The following MAPK6 variants were observed in gnomAD, a reference collection of about 807,000 sequenced individuals.
The protein encoded by MAPK6 is ERK-3.
Under a neutral mutation model 59.3 loss-of-function variants are expected in MAPK6, and 19 were observed. The ratio of observed to expected loss-of-function variants is 0.32; its 90% CI spans 0.22 to 0.47. The LOEUF (loss-of-function observed/expected upper bound fraction) is 0.47. MAPK6 is among the 20% of genes least tolerant of loss of function. The pLI is 1.00. For missense variants in MAPK6, 724 were observed against 847.9 expected (o/e 0.85, Z 1.81); for synonymous variants, 316 against 290.3 (o/e 1.09, Z -0.90).
intron 2 of MAPK6, 121 bp from the exon 3 acceptor site, chr15:52,049,872 C>G (rs973215398): frequency 9.8e-6 from 9 of 916,918 alleles, no homozygotes; most frequent in Non-Finnish European, 1.5e-5. Flanking sequence ...CTTGGTTTCC[C>G]AAAATGCTGG....
chr15:52,058,049 T>C (rs1004764095), intron 3 of MAPK6, among the ~76,000 whole-genome samples: 5 of 152,208 alleles, frequency 3.3e-5, no homozygotes, highest in Non-Finnish European at 5.9e-5. Flanking sequence ...TTTTATTTTT[T>C]GTTTTTGAGA....
intron 1 of MAPK6, among the ~76,000 whole-genome samples, chr15:52,026,970 A>G (rs1009188271): frequency 1.3e-5 from 2 of 151,816 alleles, no homozygotes; most frequent in Non-Finnish European, 2.9e-5. Flanking sequence ...GAATCGCTTG[A>G]ACCCAGGAGG....
chr15:52,030,289 G>A (rs964428414), intron 1 of MAPK6, among the ~76,000 whole-genome samples: 2 of 152,182 alleles, frequency 1.3e-5, no homozygotes, highest in African/African-American at 4.8e-5. Context: ...TTACTAGAAT[G>A]CGAGCTCTTC....
intron 1 of MAPK6, among the ~76,000 whole-genome samples, chr15:52,023,372 C>G (rs2030621658): frequency 1.3e-5 from 2 of 152,204 alleles, no homozygotes; most frequent in African/African-American, 4.8e-5. Flanking sequence ...CATTACACTA[C>G]AACCTGCCAG....
chr15:52,016,049 C>T (rs1394361708), upstream of MAPK6, among the ~76,000 whole-genome samples: 2 of 112,672 alleles, frequency 1.8e-5, no homozygotes, highest in Non-Finnish European at 3.6e-5. Flanking sequence ...GAGCCAAACT[C>T]CATCGCGCGC....
rs1217761628 is a variant in MAPK6 at position 52,046,490 on chromosome 15, C to T, written c.30C>T (p.Asn10=). The change falls in exon 2 of 6, where the codon AAC becomes AAT. Residue 10 remains asparagine, a synonymous_variant. Transcript: ENST00000261845. MAEKFESLM[N]IHGFDLGSRY... ...CAGAGAAATTTGAAAGTCTCATGAACATTCATGGTTTTGATCTGGGTTCTA... is the reference window on the plus strand; with the variant it reads ...CAGAGAAATTTGAAAGTCTCATGAATATTCATGGTTTTGATCTGGGTTCTA... The T allele has an allele frequency of 3.1e-6, 5 of 1,608,114 alleles. No homozygotes were observed. The highest frequency in any genetic ancestry group is 3.4e-6 in the Non-Finnish European group (4 of 1,178,046).
At position 52,054,749 on chromosome 15, in the gene MAPK6, C is replaced by CACATACACATACAT. The variant is rs764393160; in HGVS notation, c.701-3883_701-3882insCATACACATACATA. On this transcript the variant is annotated intron_variant, in intron 3 of 5. Coordinates refer to ENST00000261845, the MANE Select transcript of MAPK6 (RefSeq NM_002748.4). The stretch of plus-strand genomic sequence containing the variant: ...ATCTATACACACACACACACACACA[C>CACATACACATACAT]ATATACACATACATAGATACACACA... 3.2e-4 allele frequency among the ~76,000 whole-genome samples: 48 copies of CACATACACATACAT among 150,052 alleles called. 1 individual carries two copies. Among genetic ancestry groups the CACATACACATACAT allele is most frequent in the South Asian group, 1.9e-3 (9 of 4,692 alleles).
At chr15:51,976,147 TC>T (rs1392766943) in intron 1 of MAPK6, among the ~76,000 whole-genome samples, 1 of 150,478 alleles carries the variant, frequency 6.6e-6, no homozygotes, top group Non-Finnish European at 1.5e-5. Context: ...ATGCCTGTAG[TC>T]CCAGCTACTC....
chr15:52,043,742 A>ATTTTTTTTTTTTTT lies in MAPK6; in HGVS notation c.-631-2067_-631-2054dup, dbSNP rs71130125. 2.7e-4 allele frequency among the ~76,000 whole-genome samples: 11 copies of ATTTTTTTTTTTTTT among 40,656 alleles called. 2 individuals carry two copies. Among genetic ancestry groups the ATTTTTTTTTTTTTT allele is most frequent in the African/African-American group, 3.6e-4 (4 of 11,086 alleles). The allele number at this position is 40,656 out of a possible 152,430, so 26.7% of individuals were successfully genotyped here. A position where few individuals can be genotyped will look rare whatever the true frequency, so the allele number is the denominator to read the frequency against. On this transcript the variant is annotated intron_variant, in intron 1 of 5. Coordinates refer to ENST00000261845, the MANE Select transcript of MAPK6 (RefSeq NM_002748.4). ...TGATATGTTGGACTTAAGTTGTTTG[A>ATTTTTTTTTTTTTT]TTTTTTTTTTTTTTTTTTTTTTTTT...
At chr15:52,029,090 T>C (rs1230181153) in intron 1 of MAPK6, among the ~76,000 whole-genome samples, 2 of 152,220 alleles carry the variant, frequency 1.3e-5, no homozygotes, top group African/African-American at 4.8e-5. Flanking sequence ...CAGGTTGGAG[T>C]GCAGTGGCGC....
At chr15:52,013,728 G>T (rs1044144972) in intron 3 of MAPK6, among the ~76,000 whole-genome samples, 1 of 152,110 alleles carries the variant, frequency 6.6e-6, no homozygotes, top group African/African-American at 2.4e-5. Flanking sequence ...TACACAGGAA[G>T]GGGAGGCTCC....
At chr15:51,989,210 G>T (rs1176396364) in intron 2 of MAPK6, among the ~76,000 whole-genome samples, 1 of 151,624 alleles carries the variant, frequency 6.6e-6, no homozygotes, top group Non-Finnish European at 1.5e-5. Context: ...CTCCCAAGTA[G>T]CTGGGATTAT....
chr15:52,022,436 AT>A (rs1241775098), intron 1 of MAPK6, among the ~76,000 whole-genome samples: 1 of 151,804 alleles, frequency 6.6e-6, no homozygotes, highest in African/African-American at 2.4e-5. Flanking sequence ...AGTTTTTCGT[AT>A]TTTTTGTAGA....
chr15:52,000,536 A>G (rs879344874), intron 2 of MAPK6, among the ~76,000 whole-genome samples: 14 of 152,150 alleles, frequency 9.2e-5, no homozygotes, highest in Admixed American at 7.2e-4. Context: ...AGCTGGGCAC[A>G]GTGGTTCACG....
intron 4 of MAPK6, among the ~76,000 whole-genome samples, chr15:52,060,001 A>G (rs1041847345): frequency 6.6e-6 from 1 of 152,190 alleles, no homozygotes; most frequent in Non-Finnish European, 1.5e-5. Context: ...GAGTGAACGT[A>G]TAAGACTCCT....
chr15:52,038,364 G>T (rs2031310086), intron 1 of MAPK6, among the ~76,000 whole-genome samples: 1 of 152,126 alleles, frequency 6.6e-6, no homozygotes, highest in Non-Finnish European at 1.5e-5. Context: ...CACTCCCTTG[G>T]GTATACGTAT....
upstream of MAPK6, among the ~76,000 whole-genome samples, chr15:52,016,936 C>T (rs532421972): frequency 2.0e-5 from 3 of 152,118 alleles, no homozygotes; most frequent in Admixed American, 6.6e-5. Context: ...CCCAGCTACT[C>T]GGGAGGCTGA....
chr15:52,050,885 T>C (rs1355892901), intron 3 of MAPK6, among the ~76,000 whole-genome samples: 1 of 152,166 alleles, frequency 6.6e-6, no homozygotes, highest in African/African-American at 2.4e-5. Flanking sequence ...AACATATTTA[T>C]GACTAGTTAA....
chr15:52,010,255 G>A (rs978138023), intron 3 of MAPK6, among the ~76,000 whole-genome samples: 8 of 151,790 alleles, frequency 5.3e-5, no homozygotes, highest in African/African-American at 1.9e-4. Context: ...TTTTGTTTTT[G>A]TTGCCCAGGC....
Sources: allele counts gnomAD v4.1 joint callset (sites outside exome capture counted in the v4.1 genomes callset), GRCh38; gene constraint gnomAD v4.1.1; transcripts MANE v1.5; gene names NCBI Gene and HGNC (gene_info 2026-07-23, HGNC 2026-07-21).